CNTN4: variants seen among roughly 807,000 people sequenced by gnomAD.
CNTN4 encodes contactin 4, also known as contactin-4.
CNTN4 carries 77 observed loss-of-function variants against 122.5 expected under a neutral mutation model. The observed-to-expected ratio is 0.63, with a 90% CI of 0.52 to 0.76. CNTN4 has a LOEUF of 0.76. CNTN4 is among the 30% of genes least tolerant of loss of function. The probability of loss-of-function intolerance (pLI) is 0.00; values close to 1 mark genes in which losing one functional copy is unlikely to be tolerated. For missense variants in CNTN4, 1,256 were observed against 1,259.1 expected, an observed-to-expected ratio of 1.00 and a Z score of 0.04; for synonymous variants, 512 against 447.0, an observed-to-expected ratio of 1.15 and a Z score of -1.83.
chr3:2,488,216 G>A (rs1009916011), intron 3 of CNTN4, among the ~76,000 whole-genome samples: 1 of 152,192 alleles, frequency 6.6e-6, no homozygotes, highest in African/African-American at 2.4e-5. Flanking sequence ...CAAAGTTCAT[G>A]TTTGCTAGGA....
chr3:2,970,929 A>G (rs1474848951), intron 13 of CNTN4, among the ~76,000 whole-genome samples: 1 of 152,016 alleles, frequency 6.6e-6, no homozygotes, highest in Admixed American at 6.6e-5. Flanking sequence ...CTGAGATTAC[A>G]GGTGCCCGCC....
intron 7 of CNTN4, among the ~76,000 whole-genome samples, chr3:2,846,085 C>T (rs745987350): frequency 7.2e-5 from 11 of 152,144 alleles, no homozygotes; most frequent in Non-Finnish European, 1.3e-4. Flanking sequence ...GGATTCTCCT[C>T]TTGGAGATTT....
In CNTN4 at chr3:2,363,464, A is replaced by T. The variant is rs192420562; in HGVS notation, c.-89+24231A>T. Among the ~76,000 whole-genome samples the T allele has an allele frequency of 5.0e-3, 765 of 152,332 alleles. 11 individuals carry two copies. The highest frequency in any genetic ancestry group is 0.017 in the African/African-American group (704 of 41,576). ...AATCTTTCTGACTCCCAAGACTGCA[A>T]CTTTTCTCTCTGCAACATGGAGGAG... On this transcript the variant is annotated intron_variant, in intron 3 of 24. Transcript: ENST00000418658.
At chr3:2,805,941 G>A (rs62234193) in intron 6 of CNTN4, among the ~76,000 whole-genome samples, 35,512 of 151,860 alleles carry the variant, frequency 0.23, 5,138 homozygotes, top group East Asian at 0.44. Flanking sequence ...TCGCTCTGTC[G>A]CCCAGGCTGG....
At chr3:2,942,157 C>G (rs988257360) in intron 13 of CNTN4, among the ~76,000 whole-genome samples, 1 of 152,060 alleles carries the variant, frequency 6.6e-6, no homozygotes, top group Admixed American at 6.6e-5. Flanking sequence ...AATAAGTGTT[C>G]AATAAATGAA....
chr3:2,913,839 A>G (rs1262765074), intron 12 of CNTN4, among the ~76,000 whole-genome samples: 1 of 152,248 alleles, frequency 6.6e-6, no homozygotes, highest in Admixed American at 6.5e-5. Flanking sequence ...ACTGCTCTCT[A>G]CTACAACAGA....
intron 4 of CNTN4, among the ~76,000 whole-genome samples, chr3:2,715,284 T>C (rs1228492005): frequency 6.6e-6 from 1 of 152,208 alleles, no homozygotes; most frequent in South Asian, 2.1e-4. Flanking sequence ...AGGGATAAAT[T>C]GTATATGTAA....
At chr3:2,406,481 CAAGTA>C (rs2047042052) in intron 3 of CNTN4, among the ~76,000 whole-genome samples, 1 of 152,158 alleles carries the variant, frequency 6.6e-6, no homozygotes, top group Non-Finnish European at 1.5e-5. Context: ...TGGTAAAATC[CAAGTA>C]AAGTTTATAG....
chr3:2,355,992 G>C (rs1053349132), intron 3 of CNTN4, among the ~76,000 whole-genome samples: 1 of 152,144 alleles, frequency 6.6e-6, no homozygotes, highest in Non-Finnish European at 1.5e-5. Context: ...CCCCTCAGTT[G>C]TTGCCTGGGT....
chr3:2,431,566 G>A (rs914993424), intron 3 of CNTN4, among the ~76,000 whole-genome samples: 1 of 152,054 alleles, frequency 6.6e-6, no homozygotes, highest in East Asian at 1.9e-4. Context: ...GAAATTCCGT[G>A]GAATAGATAA....
At chr3:2,344,356 A>G (rs563521481) in intron 3 of CNTN4, among the ~76,000 whole-genome samples, 86 of 150,350 alleles carry the variant, frequency 5.7e-4, no homozygotes, top group South Asian at 1.9e-3. Flanking sequence ...GCTCACTGCA[A>G]CCTCTACCTC....
At chr3:2,468,313 T>G (rs1013036830) in intron 3 of CNTN4, among the ~76,000 whole-genome samples, 2 of 152,120 alleles carry the variant, frequency 1.3e-5, no homozygotes. Context: ...CCCATGAAAT[T>G]GCGTGTTCCA....
intron 6 of CNTN4, among the ~76,000 whole-genome samples, chr3:2,762,797 T>C (rs2090649377): frequency 6.6e-6 from 1 of 152,166 alleles, no homozygotes; most frequent in African/African-American, 2.4e-5. Flanking sequence ...CCAGCAATAG[T>C]ATATAAGTCT....
chr3:2,835,071 A>AT (rs1037025845), intron 7 of CNTN4, among the ~76,000 whole-genome samples: 4 of 151,306 alleles, frequency 2.6e-5, no homozygotes, highest in Non-Finnish European at 5.9e-5. Flanking sequence ...CGCCCGGCTC[A>AT]TTTTTTTGTA....
At chr3:2,511,469 G>A (rs1295945449) in intron 3 of CNTN4, 3 of 152,236 alleles carry the variant, frequency 2.0e-5, no homozygotes, top group Non-Finnish European at 2.9e-5. Flanking sequence ...GGTCCTCCTT[G>A]ATGAATGCTG....
intron 6 of CNTN4, among the ~76,000 whole-genome samples, chr3:2,793,637 T>G (rs935769673): frequency 1.5e-4 from 23 of 152,282 alleles, no homozygotes; most frequent in African/African-American, 5.1e-4. Context: ...AATTGCGTTT[T>G]CGAAAAATGA....
chr3:2,877,066 G>A (rs943101160), intron 8 of CNTN4, among the ~76,000 whole-genome samples: 3 of 152,122 alleles, frequency 2.0e-5, no homozygotes, highest in African/African-American at 4.8e-5. Flanking sequence ...ATTGTTTTAG[G>A]AAAAATACTT....
chr3:2,664,111 G>A (rs1352037771), intron 4 of CNTN4, among the ~76,000 whole-genome samples: 3 of 152,174 alleles, frequency 2.0e-5, no homozygotes, highest in Admixed American at 2.0e-4. Context: ...ACAACTTTGT[G>A]AATGTACTTA....
chr3:2,820,231 C>G (rs1221763311), intron 7 of CNTN4, among the ~76,000 whole-genome samples: 1 of 152,208 alleles, frequency 6.6e-6, no homozygotes, highest in African/African-American at 2.4e-5. Flanking sequence ...CCATAACTCC[C>G]TCCTTGGCTT....
Sources: gnomAD v4.1 joint callset for allele counts (sites outside exome capture counted in the v4.1 genomes callset) on GRCh38, gnomAD v4.1.1 for gene constraint, MANE v1.5 for transcripts, NCBI Gene and HGNC (gene_info 2026-07-23, HGNC 2026-07-21) for gene names.